The following MAD1L1 variants were observed in gnomAD, a reference collection of about 807,000 sequenced individuals.
The protein encoded by MAD1L1 is mitotic spindle assembly checkpoint protein MAD1.
Under a neutral mutation model 96.9 loss-of-function variants are expected in MAD1L1, and 95 were observed. The observed-to-expected ratio is 0.98, with a 90% CI of 0.83 to 1.16. MAD1L1 has a LOEUF of 1.16. Among genes scored for constraint, MAD1L1 ranks in the 50% most tolerant of loss-of-function variants. The pLI, the probability that MAD1L1 is intolerant of heterozygous loss-of-function variation, is 0.00. For missense variants in MAD1L1, 1,007 were observed against 954.4 expected (o/e 1.06, Z -0.73); for synonymous variants, 473 against 396.6 (o/e 1.19, Z -2.29).
At chr7:2,025,811 A>G (rs1782971695) in intron 12 of MAD1L1, among the ~76,000 whole-genome samples, 1 of 152,244 alleles carries the variant, frequency 6.6e-6, no homozygotes, top group Non-Finnish European at 1.5e-5. Flanking sequence ...AGACTTTGTT[A>G]AGTATATAAT....
intron 18 of MAD1L1, among the ~76,000 whole-genome samples, chr7:1,892,116 T>C (rs1220808471): frequency 6.6e-6 from 1 of 152,144 alleles, no homozygotes; most frequent in Admixed American, 6.5e-5. Context: ...TGGCACCTTT[T>C]CCATATTTAA....
At chr7:2,035,213 G>C (rs1478462158) in intron 12 of MAD1L1, among the ~76,000 whole-genome samples, 1 of 152,252 alleles carries the variant, frequency 6.6e-6, no homozygotes, top group South Asian at 2.1e-4. Flanking sequence ...CCAAGGACAC[G>C]CTGAGAAATG....
chr7:1,996,915 T>C (rs4721294), intron 14 of MAD1L1, among the ~76,000 whole-genome samples: 7,870 of 84,458 alleles, frequency 0.093, 204 homozygotes, highest in East Asian at 0.22. Context: ...AAAGCTTCAC[T>C]CCTCACTCCC....
Position 1,972,951 on chromosome 7 carries a change from G to C in MAD1L1, c.1505+7502C>G, listed in dbSNP as rs117663441. On this transcript the variant is annotated intron_variant, in intron 15 of 18. Coordinates refer to ENST00000265854, the MANE Select transcript of MAD1L1 (RefSeq NM_001013836.2). ...TGTGTTGCTAATCTCCTAATGCTTA[G>C]AGACTTCCCTGTTGTTCTTCTGTTA... is the stretch of plus-strand genomic sequence containing the variant. Among the ~76,000 whole-genome samples, 1,158 of 152,318 alleles carry C rather than the reference G, an allele frequency of 7.6e-3. 11 individuals carry two copies. The highest frequency in any genetic ancestry group is 0.011 in the Non-Finnish European group (719 of 68,036).
At chr7:2,131,896 C>T (rs1359623820) in intron 11 of MAD1L1, among the ~76,000 whole-genome samples, 2 of 152,238 alleles carry the variant, frequency 1.3e-5, no homozygotes, top group African/African-American at 4.8e-5. Context: ...CCTGTGAGCC[C>T]CCCACAAGGG....
intron 10 of MAD1L1, among the ~76,000 whole-genome samples, chr7:2,177,518 T>C (rs559528858): frequency 6.6e-6 from 1 of 152,364 alleles, no homozygotes; most frequent in African/African-American, 2.4e-5. Flanking sequence ...ACTGACTTCT[T>C]TGAAACAGGC....
rs902535054 is a variant in MAD1L1 at position 2,188,637 on chromosome 7, C to T, written c.986+24575G>A. Among the ~76,000 whole-genome samples, 6 of 152,194 alleles carry T rather than the reference C, an allele frequency of 3.9e-5. No homozygotes were observed. In the East Asian group the frequency reaches 9.6e-4, roughly 24 times the overall value. ...GTGCTGGAAAACTGGTCTCCACATG[C>T]AAAAGAATGAAGTTGGGCCCTTAAA... On this transcript the variant is annotated intron_variant, in intron 10 of 18. Coordinates refer to ENST00000265854, the MANE Select transcript of MAD1L1 (RefSeq NM_001013836.2).
rs1786198676 is a variant in MAD1L1, at chr7:2,091,289, G to A, written c.1074-21951C>T. ...ACAGTGCTTGGAAGCCCTGCTCTGG[G>A]CCCCGGTCAGCTCCCTGTTGCTGGG... On this transcript the variant is annotated intron_variant, in intron 11 of 18. Transcript: ENST00000265854. Among the ~76,000 whole-genome samples the A allele has an allele frequency of 2.6e-5, 4 of 151,980 alleles. No individual in the cohort carries two copies. The South Asian group carries it at 8.3e-4, about 32-fold the overall frequency.
intron 10 of MAD1L1, chr7:2,175,493 C>CAAAAAA (rs143638196): frequency 2.2e-5 from 2 of 90,930 alleles, no homozygotes; most frequent in Non-Finnish European, 2.2e-5. Context: ...GAACCTTTGC[C>CAAAAAA]AAAAAAAAAA....
At chr7:2,005,507 G>A (rs1781994664) in intron 13 of MAD1L1, among the ~76,000 whole-genome samples, 1 of 152,190 alleles carries the variant, frequency 6.6e-6, no homozygotes, top group Non-Finnish European at 1.5e-5. Context: ...TTACCATAAA[G>A]AGAAATGGTT....
intron 14 of MAD1L1, among the ~76,000 whole-genome samples, chr7:1,985,592 G>A (rs1378023434): frequency 1.3e-5 from 2 of 152,218 alleles, no homozygotes; most frequent in South Asian, 2.1e-4. Context: ...CAGCGAAGCC[G>A]CCATCCTCAT....
chr7:2,077,922 G>C (rs1785456019), intron 11 of MAD1L1, among the ~76,000 whole-genome samples: 1 of 152,234 alleles, frequency 6.6e-6, no homozygotes, highest in Non-Finnish European at 1.5e-5. Flanking sequence ...CCTGGATCTA[G>C]AGGCAAAATT....
intron 18 of MAD1L1, among the ~76,000 whole-genome samples, chr7:1,887,441 G>C (rs908962207): frequency 2.6e-5 from 4 of 151,216 alleles, no homozygotes; most frequent in African/African-American, 9.7e-5. Flanking sequence ...GCATGTGGCT[G>C]CCTCTGTGTG....
chr7:2,217,112 T>C (rs1268152807), intron 7 of MAD1L1, among the ~76,000 whole-genome samples: 1 of 152,124 alleles, frequency 6.6e-6, no homozygotes, highest in Non-Finnish European at 1.5e-5. Context: ...ACCCCTCCCG[T>C]GTCAAGCCCA....
chr7:2,032,212 T>TA (rs1562623115), intron 12 of MAD1L1, among the ~76,000 whole-genome samples: 1 of 152,118 alleles, frequency 6.6e-6, no homozygotes, highest in African/African-American at 2.4e-5. Flanking sequence ...TGTGTTCAAT[T>TA]AAAAAATGAA....
At chr7:2,050,714 G>A (rs769717274) in intron 12 of MAD1L1, among the ~76,000 whole-genome samples, 5 of 152,136 alleles carry the variant, frequency 3.3e-5, no homozygotes, top group East Asian at 1.9e-4. Context: ...CAGAGGCTGC[G>A]GAGGGAGCAG....
At chr7:2,002,941 G>T (rs1193582509) in intron 13 of MAD1L1, among the ~76,000 whole-genome samples, 1 of 8,708 alleles carries the variant, frequency 1.1e-4, no homozygotes, top group Non-Finnish European at 2.3e-4. Context: ...TCCTTCCCAC[G>T]ACCCCGCTTG....
intron 11 of MAD1L1, among the ~76,000 whole-genome samples, chr7:2,116,492 G>A (rs1255053943): frequency 6.6e-6 from 1 of 150,644 alleles, no homozygotes. Context: ...CAGGGAAACC[G>A]AGGTGTCCCC....
intron 15 of MAD1L1, among the ~76,000 whole-genome samples, chr7:1,975,847 A>G (rs1290382972): frequency 6.6e-6 from 1 of 152,122 alleles, no homozygotes; most frequent in African/African-American, 2.4e-5. Context: ...ACGGCCGGGA[A>G]GCGAGGGTCC....
Sources: gnomAD v4.1 joint callset for allele counts (sites outside exome capture counted in the v4.1 genomes callset) on GRCh38, gnomAD v4.1.1 for gene constraint, MANE v1.5 for transcripts, NCBI Gene and HGNC (gene_info 2026-07-23, HGNC 2026-07-21) for gene names.